MIS18A: variants seen among roughly 807,000 people sequenced by gnomAD.
MIS18A encodes protein Mis18-alpha.
MIS18A carries 14 observed loss-of-function variants against 25.0 expected under a neutral mutation model. The ratio of observed to expected loss-of-function variants is 0.56; its 90% CI spans 0.37 to 0.88. The LOEUF is 0.88. Among genes scored for constraint, MIS18A ranks in the 40% least tolerant of loss-of-function variants. MIS18A has a pLI of 0.00. For synonymous variants in MIS18A, 134 were observed against 118.6 expected (o/e 1.13, Z -0.84); for missense variants, 292 against 290.8 (o/e 1.00, Z -0.03).
the MIS18A span, among the ~76,000 whole-genome samples, chr21:32,171,528 T>G: frequency 1.3e-5 from 2 of 151,988 alleles, no homozygotes. Context: ...CATCATAGAG[T>G]GTACTTACAC....
the MIS18A span, among the ~76,000 whole-genome samples, chr21:32,180,489 G>T: frequency 6.6e-6 from 1 of 152,144 alleles, no homozygotes; most frequent in African/African-American, 2.4e-5. Context: ...TCTTCTCCAT[G>T]ATCTTGTGAA....
the MIS18A span, among the ~76,000 whole-genome samples, chr21:32,217,670 T>C: frequency 5.9e-5 from 9 of 152,310 alleles, no homozygotes; most frequent in South Asian, 1.2e-3. Context: ...AGACTCATCA[T>C]GATCCAACTG....
the MIS18A span, among the ~76,000 whole-genome samples, chr21:32,185,467 G>A: frequency 6.6e-6 from 1 of 152,172 alleles, no homozygotes; most frequent in African/African-American, 2.4e-5. Context: ...GGCTACCTGT[G>A]ATGCTGTCAG....
At chr21:32,230,963 A>C in the MIS18A span, among the ~76,000 whole-genome samples, 2,064 of 152,222 alleles carry the variant, frequency 0.014, 50 homozygotes, top group African/African-American at 0.046. Flanking sequence ...GGCTGGGCGC[A>C]GTGGCTCATG....
rs1271816421 is a variant in MIS18A, at chr21:32,274,873, C to T, written c.358G>A (p.Asp120Asn). The change falls in exon 2 of 5, where the codon GAT (aspartate) becomes AAT (asparagine). Residue 120 changes from aspartate to asparagine, a missense_variant. Transcript: ENST00000290130. ...CGTTTGGATAGCTTCTGTTCCTTAT[C>T]CACAGAAACATTACAGGAAACACCT... Reference protein sequence around the residue: ...LRCVSCNVSVDKEQKLSKREK... With the variant: ...LRCVSCNVSVNKEQKLSKREK... The T allele has an allele frequency of 1.2e-6, 2 of 1,612,672 alleles. No homozygotes were observed. The highest frequency in any genetic ancestry group is 1.7e-6 in the Non-Finnish European group (2 of 1,179,036).
At chr21:32,181,047 T>G in the MIS18A span, among the ~76,000 whole-genome samples, 2 of 152,146 alleles carry the variant, frequency 1.3e-5, no homozygotes, top group African/African-American at 4.8e-5. Context: ...CAGGAGATGG[T>G]AACATGTGAA....
At chr21:32,155,691 T>C in the MIS18A span, among the ~76,000 whole-genome samples, 1 of 152,190 alleles carries the variant, frequency 6.6e-6, no homozygotes, top group African/African-American at 2.4e-5. Context: ...AGGGTTGAAA[T>C]GTAGTATTAA....
the MIS18A span, among the ~76,000 whole-genome samples, chr21:32,232,030 T>C: frequency 1.6e-4 from 24 of 152,254 alleles, no homozygotes; most frequent in African/African-American, 5.5e-4. Flanking sequence ...CATGCCCATG[T>C]TCACTGCTGC....
the MIS18A span, among the ~76,000 whole-genome samples, chr21:32,172,593 CTT>C: frequency 5.2e-3 from 761 of 146,398 alleles, 6 homozygotes; most frequent in African/African-American, 0.017. Context: ...TTTTCCTTTC[CTT>C]TTTTTTTTTT....
At chr21:32,258,747 C>T in the MIS18A span, among the ~76,000 whole-genome samples, 2 of 152,178 alleles carry the variant, frequency 1.3e-5, no homozygotes, top group African/African-American at 4.8e-5. Context: ...TCGTGTCACA[C>T]TTGAACGTGC....
chr21:32,176,349 T>G, the MIS18A span, among the ~76,000 whole-genome samples: 1 of 152,168 alleles, frequency 6.6e-6, no homozygotes, highest in Non-Finnish European at 1.5e-5. Context: ...CATCACTAGG[T>G]GATAGGGTTT....
At chr21:32,274,785 A>G (rs775705781) in intron 2 of MIS18A, 45 bp downstream of exon 2, 2 of 1,462,266 alleles carry the variant, frequency 1.4e-6, no homozygotes, top group East Asian at 4.7e-5. Context: ...GATTTTTATT[A>G]AAGAAAATTC....
chr21:32,266,981 C>CAT (rs2123460555), downstream of MIS18A, among the ~76,000 whole-genome samples: 1 of 152,248 alleles, frequency 6.6e-6, no homozygotes, highest in Admixed American at 6.5e-5. Flanking sequence ...CACACACACA[C>CAT]ACACACACAC....
the MIS18A span, among the ~76,000 whole-genome samples, chr21:32,229,000 A>G: frequency 6.6e-6 from 1 of 152,170 alleles, no homozygotes; most frequent in Non-Finnish European, 1.5e-5. Context: ...CTTTTATTTC[A>G]GCACAAGCAA....
the MIS18A span, among the ~76,000 whole-genome samples, chr21:32,240,089 C>T: frequency 8.3e-4 from 126 of 152,360 alleles, no homozygotes; most frequent in Non-Finnish European, 1.7e-3. Context: ...CTGTGGGGGA[C>T]ACAATGATGT....
the MIS18A span, among the ~76,000 whole-genome samples, chr21:32,250,044 A>G: frequency 5.3e-5 from 8 of 152,032 alleles, no homozygotes; most frequent in Middle Eastern, 3.2e-3. Context: ...GCAGCCAGAA[A>G]CAGAAGTGCT....
the MIS18A span, among the ~76,000 whole-genome samples, chr21:32,203,425 G>A: frequency 1.3e-5 from 2 of 151,020 alleles, no homozygotes; most frequent in African/African-American, 4.9e-5. Context: ...AGTGATGGGA[G>A]GAATCAGTTT....
intron 2 of MIS18A, among the ~76,000 whole-genome samples, chr21:32,274,197 C>CTTTTTTTTTTTTTT (rs1184186125): frequency 1.4e-5 from 1 of 72,770 alleles, no homozygotes. Context: ...TCCTTTTCTT[C>CTTTTTTTTTTTTTT]TTTTTTTTTT....
At chr21:32,223,092 C>T in the MIS18A span, among the ~76,000 whole-genome samples, 1 of 152,136 alleles carries the variant, frequency 6.6e-6, no homozygotes, top group East Asian at 1.9e-4. Context: ...AACCAAGACA[C>T]AACATACCAG....
Sources: allele counts gnomAD v4.1 joint callset (sites outside exome capture counted in the v4.1 genomes callset), GRCh38; gene constraint gnomAD v4.1.1; transcripts MANE v1.5; gene names NCBI Gene and HGNC (gene_info 2026-07-23, HGNC 2026-07-21).